The following DOCK3 variants were observed in gnomAD, a reference collection of about 807,000 sequenced individuals.
The protein encoded by DOCK3 is dedicator of cytokinesis protein 3.
A neutral mutation model predicts 265.6 loss-of-function variants in DOCK3; 60 were observed. The observed-to-expected ratio is 0.23, with a 90% CI of 0.18 to 0.28. The LOEUF is 0.28. Among genes scored for constraint, DOCK3 ranks in the 10% least tolerant of loss-of-function variants. The pLI, the probability that DOCK3 is intolerant of heterozygous loss-of-function variation, is 1.00. For synonymous variants in DOCK3, 881 were observed against 938.0 expected, an observed-to-expected ratio of 0.94 and a Z score of 1.11; for missense variants, 1,981 against 2,594.3, an observed-to-expected ratio of 0.76 and a Z score of 5.14.
chr3:51,088,210 A>G (rs2082501665), intron 7 of DOCK3, among the ~76,000 whole-genome samples: 1 of 152,162 alleles, frequency 6.6e-6, no homozygotes, highest in Non-Finnish European at 1.5e-5. Context: ...ACAAAAACAA[A>G]AAAATGTGCA....
intron 3 of DOCK3, among the ~76,000 whole-genome samples, chr3:50,851,012 G>A (rs754404081): frequency 3.0e-4 from 45 of 152,242 alleles, no homozygotes; most frequent in Admixed American, 7.9e-4. Flanking sequence ...GGTGGACCAT[G>A]CAGGTCTGCC....
Position 51,246,858 on chromosome 3 carries a change from G to A in DOCK3, c.2184+51G>A. ...AAGAGACCCACTCATGCAATTATTT[G>A]TGAGTAATCTCAGTGATACAATGTG... On this transcript the variant is annotated intron_variant, in intron 22 of 52. Coordinates refer to ENST00000266037, the MANE Select transcript of DOCK3 (RefSeq NM_004947.5). 4.5e-6 allele frequency: 7 copies of A among 1,547,922 alleles called. No individual in the cohort carries two copies. The South Asian group carries it at 5.8e-5, about 13-fold the overall frequency.
intron 32 of DOCK3, among the ~76,000 whole-genome samples, chr3:51,315,814 A>G (rs2083330801): frequency 6.6e-6 from 1 of 152,024 alleles, no homozygotes; most frequent in Admixed American, 6.6e-5. Flanking sequence ...CTCTTGGCAG[A>G]TGATCTTCAA....
chr3:51,160,311 G>A (rs905335806), intron 11 of DOCK3, among the ~76,000 whole-genome samples: 7 of 152,234 alleles, frequency 4.6e-5, no homozygotes, highest in African/African-American at 1.7e-4. Context: ...ATGGAGTGTT[G>A]ATATTGGTTT....
At chr3:51,084,163 A>G (rs546968882) in intron 7 of DOCK3, among the ~76,000 whole-genome samples, 1 of 152,128 alleles carries the variant, frequency 6.6e-6, no homozygotes, top group Admixed American at 6.6e-5. Context: ...GATATAGAAA[A>G]CCTGCTAATG....
At chr3:50,993,615 GAACTC>G (rs1007863031) in intron 5 of DOCK3, among the ~76,000 whole-genome samples, 1 of 152,110 alleles carries the variant, frequency 6.6e-6, no homozygotes, top group African/African-American at 2.4e-5. Flanking sequence ...AAATCCATAT[GAACTC>G]ACCATCTGGT....
At chr3:51,305,255 T>A (rs1400979279) in intron 27 of DOCK3, among the ~76,000 whole-genome samples, 1 of 152,238 alleles carries the variant, frequency 6.6e-6, no homozygotes, top group African/African-American at 2.4e-5. Context: ...GTTGCATATA[T>A]GTTTATAATT....
In DOCK3 at chr3:51,308,556, A is replaced by T. The variant is rs552330457; in HGVS notation, c.2923-1676A>T. ...GGGGGTAAGGTCATAGATCAACAGGATCCCAAGGCAGAAGAATTTTTCTTA... is the reference window on the plus strand; with the variant it reads ...GGGGGTAAGGTCATAGATCAACAGGTTCCCAAGGCAGAAGAATTTTTCTTA... On this transcript the variant is annotated intron_variant, in intron 27 of 52. Coordinates refer to ENST00000266037, the MANE Select transcript of DOCK3 (RefSeq NM_004947.5). Among the ~76,000 whole-genome samples the T allele has an allele frequency of 1.8e-3, 280 of 152,086 alleles. 2 individuals carry two copies. Among genetic ancestry groups the T allele is most frequent in the African/African-American group, 6.4e-3 (266 of 41,460 alleles).
intron 27 of DOCK3, among the ~76,000 whole-genome samples, chr3:51,305,834 CTTTTT>C (rs761039681): frequency 2.0e-5 from 1 of 50,554 alleles, no homozygotes; most frequent in African/African-American, 8.8e-5. Context: ...ATTTCTTCTT[CTTTTT>C]TTTTTTTTTT....
At chr3:50,888,448 T>A (rs1003949214) in intron 3 of DOCK3, among the ~76,000 whole-genome samples, 131 of 152,266 alleles carry the variant, frequency 8.6e-4, no homozygotes, top group Non-Finnish European at 1.5e-3. Flanking sequence ...AGGTAATTTA[T>A]AGATTCAATG....
intron 3 of DOCK3, among the ~76,000 whole-genome samples, chr3:50,859,028 C>CTTTTATATAGGCTTA (rs2046767364): frequency 6.6e-6 from 1 of 151,890 alleles, no homozygotes; most frequent in African/African-American, 2.4e-5. Context: ...TTTATATTGG[C>CTTTTATATAGGCTTA]TATTTTGTCC....
chr3:50,690,272 A>G (rs998384884), intron 1 of DOCK3, among the ~76,000 whole-genome samples: 2 of 151,778 alleles, frequency 1.3e-5, no homozygotes, highest in Non-Finnish European at 2.9e-5. Flanking sequence ...AGCTAGTACT[A>G]TAGGCATGTG....
At chr3:51,145,887 A>G (rs919124272) in intron 9 of DOCK3, among the ~76,000 whole-genome samples, 18 of 152,302 alleles carry the variant, frequency 1.2e-4, no homozygotes, top group Non-Finnish European at 1.9e-4. Context: ...GGCATTAGTT[A>G]AATTCTCATA....
At chr3:51,122,300 T>A (rs2084059956) in intron 9 of DOCK3, among the ~76,000 whole-genome samples, 1 of 152,106 alleles carries the variant, frequency 6.6e-6, no homozygotes, top group African/African-American at 2.4e-5. Context: ...GGCAACATAG[T>A]AAGACCCGGT....
At chr3:51,065,314 C>A (rs2081553082) in intron 6 of DOCK3, among the ~76,000 whole-genome samples, 1 of 152,004 alleles carries the variant, frequency 6.6e-6, no homozygotes, top group Non-Finnish European at 1.5e-5. Context: ...TATACATATA[C>A]CTTAAGTATA....
intron 9 of DOCK3, among the ~76,000 whole-genome samples, chr3:51,124,967 T>TAAA (rs35040855): frequency 7.9e-6 from 1 of 126,636 alleles, no homozygotes. Flanking sequence ...CTGTCTCTAC[T>TAAA]AAAAAAAAAA....
At chr3:51,244,343 C>T (rs567749219) in intron 21 of DOCK3, among the ~76,000 whole-genome samples, 14 of 152,032 alleles carry the variant, frequency 9.2e-5, no homozygotes, top group South Asian at 6.2e-4. Flanking sequence ...GAATATAAGA[C>T]GTATTTCCAT....
At chr3:50,947,892 G>A (rs1219096206) in intron 5 of DOCK3, among the ~76,000 whole-genome samples, 2 of 135,374 alleles carry the variant, frequency 1.5e-5, no homozygotes, top group African/African-American at 5.5e-5. Context: ...GTCTTGCTCT[G>A]TTGCCCAGGC....
intron 27 of DOCK3, among the ~76,000 whole-genome samples, chr3:51,287,954 A>ATT (rs1460461338): frequency 6.6e-6 from 1 of 152,272 alleles, no homozygotes; most frequent in Admixed American, 6.5e-5. Context: ...CTACACAGCC[A>ATT]TTTTAAAAGA....
Sources: allele counts gnomAD v4.1 joint callset (sites outside exome capture counted in the v4.1 genomes callset), GRCh38; gene constraint gnomAD v4.1.1; transcripts MANE v1.5; gene names NCBI Gene and HGNC (gene_info 2026-07-23, HGNC 2026-07-21).